MSRA: variants seen among roughly 807,000 people sequenced by gnomAD.
MSRA encodes the protein methionine sulfoxide reductase A.
A neutral mutation model predicts 31.3 loss-of-function variants in MSRA; 54 were observed. That is an observed-to-expected ratio of 1.73 (90% CI 1.39 to 2.17). MSRA has a LOEUF of 2.17. Ranked by LOEUF, MSRA falls within the 30% of genes most tolerant of loss-of-function variation. The probability of loss-of-function intolerance (pLI) is 0.00; values close to 1 mark genes in which losing one functional copy is unlikely to be tolerated. For synonymous variants in MSRA, 169 were observed against 116.5 expected (o/e 1.45, Z -2.90); for missense variants, 507 against 300.9 (o/e 1.69, Z -5.07).
chr8:10,155,515 C>T (rs1223916976), intron 1 of MSRA, among the ~76,000 whole-genome samples: 1 of 152,188 alleles, frequency 6.6e-6, no homozygotes, highest in South Asian at 2.1e-4. Context: ...GCTGTGCCAT[C>T]CCAGCCATTA....
At chr8:10,268,267 A>G (rs1482937818) in intron 3 of MSRA, among the ~76,000 whole-genome samples, 1 of 152,196 alleles carries the variant, frequency 6.6e-6, no homozygotes, top group East Asian at 1.9e-4. Flanking sequence ...CAAAATGGGA[A>G]CGCTTCTTTC....
At chr8:10,126,982 C>G (rs563207732) in intron 1 of MSRA, among the ~76,000 whole-genome samples, 68 of 152,358 alleles carry the variant, frequency 4.5e-4, no homozygotes, top group East Asian at 9.6e-4. Context: ...CGGCCTGGTT[C>G]CCAACAGGCC....
chr8:10,252,984 G>A (rs1047935374), intron 3 of MSRA, among the ~76,000 whole-genome samples: 2 of 152,178 alleles, frequency 1.3e-5, no homozygotes, highest in Admixed American at 1.3e-4. Context: ...GTAGTTCAAA[G>A]TTGAAACCAA....
chr8:10,207,962 T>G, intron 2 of MSRA, 61 bp downstream of exon 2: 1 of 1,404,560 alleles, frequency 7.1e-7, no homozygotes, highest in Non-Finnish European at 9.9e-7. Flanking sequence ...CCAAATTTCT[T>G]AGTTTTAGCA....
chr8:10,093,437 A>G (rs1196441632), intron 1 of MSRA, among the ~76,000 whole-genome samples: 2 of 152,154 alleles, frequency 1.3e-5, no homozygotes, highest in African/African-American at 4.8e-5. Flanking sequence ...ATAATATACA[A>G]AAACTTTGCT....
chr8:10,344,232 C>T (rs377211274), intron 5 of MSRA, among the ~76,000 whole-genome samples: 3 of 152,284 alleles, frequency 2.0e-5, no homozygotes, highest in African/African-American at 7.2e-5. Flanking sequence ...GGTCTTCCTT[C>T]ACCCCATCTG....
At chr8:10,234,711 G>C (rs1222903744) in intron 2 of MSRA, among the ~76,000 whole-genome samples, 1 of 151,788 alleles carries the variant, frequency 6.6e-6, no homozygotes, top group South Asian at 2.1e-4. Flanking sequence ...CTAAAATAAA[G>C]ACACATGGAA....
intron 1 of MSRA, among the ~76,000 whole-genome samples, chr8:10,152,745 C>G (rs1250867878): frequency 1.3e-5 from 2 of 152,158 alleles, no homozygotes; most frequent in African/African-American, 4.8e-5. Context: ...GCAGTATTCA[C>G]AATAGCTCCA....
At chr8:10,066,838 C>G (rs796237430) in intron 1 of MSRA, among the ~76,000 whole-genome samples, 1 of 151,614 alleles carries the variant, frequency 6.6e-6, no homozygotes, top group Non-Finnish European at 1.5e-5. Flanking sequence ...CCTGGCTCAG[C>G]TGGTATATCT....
chr8:10,111,088 G>A (rs1466090600), intron 1 of MSRA, among the ~76,000 whole-genome samples: 1 of 152,168 alleles, frequency 6.6e-6, no homozygotes, highest in East Asian at 1.9e-4. Context: ...ACCAAGTGTA[G>A]CATCTTAGTC....
rs1440900636 is a variant in MSRA at position 10,081,705 on chromosome 8, G to A, written c.142+27047G>A. Reference sequence around the variant, plus strand: ...GGGTTTCACCATATTGGCCAGACTGGTCTCAAACTCCTGACCTCAGGTGAT... The same window carrying A: ...GGGTTTCACCATATTGGCCAGACTGATCTCAAACTCCTGACCTCAGGTGAT... On this transcript the variant is annotated intron_variant, in intron 1 of 5. Transcript: ENST00000317173. 1.3e-5 allele frequency among the ~76,000 whole-genome samples: 2 copies of A among 152,102 alleles called. 1 individual carries two copies. The highest frequency in any genetic ancestry group is 2.9e-5 in the Non-Finnish European group (2 of 68,022).
intron 3 of MSRA, among the ~76,000 whole-genome samples, chr8:10,269,377 A>G (rs886429644): frequency 2.0e-5 from 3 of 152,212 alleles, no homozygotes; most frequent in African/African-American, 4.8e-5. Flanking sequence ...AATCAGAAAT[A>G]TGTCATGATA....
rs750943508 is a variant in MSRA, at chr8:10,207,814, TC to T, written c.143-18del. 5.7e-6 allele frequency: 9 copies of T among 1,589,668 alleles called. No individual in the cohort carries two copies. The highest frequency in any genetic ancestry group is 1.7e-6 in the Non-Finnish European group (2 of 1,166,454). ...AGAACTTTACACTTAAACTTGCATT[TC>T]TTTTTTTTTTTTTCTAGCCAAACAT... On this transcript the variant is annotated intron_variant, in intron 1 of 5. Coordinates refer to ENST00000317173, the MANE Select transcript of MSRA (RefSeq NM_012331.5).
intron 3 of MSRA, among the ~76,000 whole-genome samples, chr8:10,285,533 T>C (rs955073567): frequency 2.0e-5 from 3 of 152,196 alleles, no homozygotes; most frequent in East Asian, 3.8e-4. Flanking sequence ...TCTGAAAATA[T>C]ACAATAAATG....
intron 5 of MSRA, among the ~76,000 whole-genome samples, chr8:10,333,137 C>T (rs1043214424): frequency 6.6e-6 from 1 of 152,126 alleles, no homozygotes; most frequent in African/African-American, 2.4e-5. Flanking sequence ...CAAAATAATC[C>T]TGGCCAACAT....
intron 1 of MSRA, among the ~76,000 whole-genome samples, chr8:10,121,471 T>A (rs1801103275): frequency 6.6e-6 from 1 of 152,178 alleles, no homozygotes; most frequent in South Asian, 2.1e-4. Context: ...CTTAGAGCGA[T>A]CCAGGATGGG....
intron 3 of MSRA, among the ~76,000 whole-genome samples, chr8:10,262,536 A>G (rs145953013): frequency 3.4e-4 from 52 of 152,260 alleles, no homozygotes; most frequent in African/African-American, 1.2e-3. Context: ...TGAGGTGGCT[A>G]TTCAGATCTT....
rs1045080225 is a variant in MSRA at position 10,057,656 on chromosome 8, C to T, written c.142+2998C>T. Among the ~76,000 whole-genome samples the T allele has an allele frequency of 5.9e-5, 9 of 152,184 alleles. No individual in the cohort carries two copies. In the South Asian group the frequency reaches 1.5e-3, roughly 25 times the overall value. On this transcript the variant is annotated intron_variant, in intron 1 of 5. Coordinates refer to ENST00000317173, the MANE Select transcript of MSRA (RefSeq NM_012331.5). ...GGGGGTGGACTTTCCCCTTGCTGTTCTCGTGAGAGTGAATGAATTCTCACG... is the reference window on the plus strand; with the variant it reads ...GGGGGTGGACTTTCCCCTTGCTGTTTTCGTGAGAGTGAATGAATTCTCACG...
intron 5 of MSRA, among the ~76,000 whole-genome samples, chr8:10,397,802 G>T (rs1051006645): frequency 3.9e-5 from 6 of 152,272 alleles, no homozygotes; most frequent in African/African-American, 1.4e-4. Flanking sequence ...AGAACATTCT[G>T]TTTTCTCATA....
Sources: allele counts gnomAD v4.1 joint callset (sites outside exome capture counted in the v4.1 genomes callset), GRCh38; gene constraint gnomAD v4.1.1; transcripts MANE v1.5; gene names NCBI Gene and HGNC (gene_info 2026-07-23, HGNC 2026-07-21).